FRMD5: variants seen among roughly 807,000 people sequenced by gnomAD.
The protein encoded by FRMD5 is FERM domain-containing protein 5.
A neutral mutation model predicts 69.0 loss-of-function variants in FRMD5; 20 were observed. The observed-to-expected ratio is 0.29, with a 90% CI of 0.20 to 0.42. The LOEUF (loss-of-function observed/expected upper bound fraction) is 0.42, where lower values mean the gene tolerates loss of function less well. FRMD5 is among the 10% of genes least tolerant of loss of function. FRMD5 has a pLI of 1.00. For synonymous variants in FRMD5, 271 were observed against 260.1 expected (o/e 1.04, Z -0.40); for missense variants, 595 against 708.6 (o/e 0.84, Z 1.82).
intron 1 of FRMD5, among the ~76,000 whole-genome samples, chr15:44,003,261 C>G (rs952079470): frequency 1.2e-4 from 19 of 152,226 alleles, no homozygotes; most frequent in Non-Finnish European, 2.8e-4. Flanking sequence ...TGGTCCAAGC[C>G]ACCACCATCG....
intron 1 of FRMD5, among the ~76,000 whole-genome samples, chr15:44,068,207 A>T (rs1893390726): frequency 6.6e-6 from 1 of 152,202 alleles, no homozygotes; most frequent in African/African-American, 2.4e-5. Context: ...TTAAATATAG[A>T]GTTACCATAT....
intron 1 of FRMD5, among the ~76,000 whole-genome samples, chr15:44,190,792 G>A (rs2078180046): frequency 6.6e-6 from 1 of 152,224 alleles, no homozygotes; most frequent in South Asian, 2.1e-4. Flanking sequence ...TAGCAATCAT[G>A]TAGCACAAAC....
intron 1 of FRMD5, among the ~76,000 whole-genome samples, chr15:44,137,449 C>G (rs1344118593): frequency 6.6e-6 from 1 of 152,158 alleles, no homozygotes; most frequent in Non-Finnish European, 1.5e-5. Context: ...GCCCTACCAC[C>G]CTCTCCCCAC....
At chr15:43,903,185 C>T (rs964245469) in intron 6 of FRMD5, among the ~76,000 whole-genome samples, 1 of 152,234 alleles carries the variant, frequency 6.6e-6, no homozygotes, top group Non-Finnish European at 1.5e-5. Flanking sequence ...GGGTCCAGAG[C>T]CCTGCAAAGC....
At chr15:43,901,754 G>A (rs1469916719) in intron 7 of FRMD5, among the ~76,000 whole-genome samples, 2 of 152,134 alleles carry the variant, frequency 1.3e-5, no homozygotes, top group East Asian at 3.9e-4. Flanking sequence ...TGACTCCACT[G>A]CAGTTCCGTG....
intron 1 of FRMD5, among the ~76,000 whole-genome samples, chr15:44,164,802 T>A (rs1432259667): frequency 6.6e-6 from 1 of 152,148 alleles, no homozygotes; most frequent in East Asian, 1.9e-4. Flanking sequence ...GGAGAATACA[T>A]TTTGTTGGTC....
rs142316114 is a variant in FRMD5 at position 43,970,633 on chromosome 15, T to C, written c.103-46324A>G. On this transcript the variant is annotated intron_variant, in intron 1 of 13. Transcript: ENST00000417257. ...CCACACTTGGCTAATTCTTTTGTAC[T>C]TTTAGTAGAGGCAGGGTTTCGCCAT... 7.2e-3 allele frequency among the ~76,000 whole-genome samples: 1,101 copies of C among 152,276 alleles called. 19 individuals carry two copies. The highest frequency in any genetic ancestry group is 0.025 in the African/African-American group (1,046 of 41,552).
At chr15:43,875,366 AT>A (rs61612188) in intron 13 of FRMD5, among the ~76,000 whole-genome samples, 23,734 of 78,258 alleles carry the variant, frequency 0.3, 3,140 homozygotes, top group Non-Finnish European at 0.39. Context: ...AAAAAAAAAT[AT>A]ATATATATAT....
At chr15:44,151,977 C>T (rs890534654) in intron 1 of FRMD5, among the ~76,000 whole-genome samples, 1 of 152,146 alleles carries the variant, frequency 6.6e-6, no homozygotes, top group Non-Finnish European at 1.5e-5. Context: ...TAGGAGGCCG[C>T]GGTGGGCAGG....
At chr15:44,005,242 AG>A (rs2140188093) in intron 1 of FRMD5, among the ~76,000 whole-genome samples, 1 of 152,290 alleles carries the variant, frequency 6.6e-6, no homozygotes, top group African/African-American at 2.4e-5. Context: ...GCACTTTGCG[AG>A]GCCAAGGCAG....
chr15:44,008,741 C>T (rs759405542), intron 1 of FRMD5, among the ~76,000 whole-genome samples: 61 of 152,160 alleles, frequency 4.0e-4, no homozygotes, highest in Non-Finnish European at 6.8e-4. Flanking sequence ...AAATTAGCTT[C>T]CCAGGCCAGG....
intron 1 of FRMD5, chr15:43,989,105 A>T (rs534971847): frequency 1.1e-5 from 11 of 972,174 alleles, no homozygotes; most frequent in Non-Finnish European, 1.7e-5. Context: ...GACTCATCAT[A>T]TTCCTGCTTG....
At chr15:43,882,818 T>G (rs1402072215) in intron 13 of FRMD5, among the ~76,000 whole-genome samples, 1 of 151,688 alleles carries the variant, frequency 6.6e-6, no homozygotes. Context: ...CTCTTTTTTT[T>G]CTTGAGACAG....
intron 12 of FRMD5, among the ~76,000 whole-genome samples, chr15:43,884,210 G>A (rs1382932390): frequency 2.0e-5 from 3 of 152,178 alleles, no homozygotes; most frequent in Non-Finnish European, 2.9e-5. Flanking sequence ...GGGGCAGGCA[G>A]TAATGCTCCC....
At chr15:44,034,668 T>TCTA in intron 1 of FRMD5, among the ~76,000 whole-genome samples, 1 of 152,328 alleles carries the variant, frequency 6.6e-6, no homozygotes, top group Non-Finnish European at 1.5e-5. Context: ...GTAAGGCTTG[T>TCTA]CTAAGTCTGT....
intron 1 of FRMD5, among the ~76,000 whole-genome samples, chr15:44,186,842 C>A (rs2078110448): frequency 6.6e-6 from 1 of 152,242 alleles, no homozygotes; most frequent in East Asian, 1.9e-4. Context: ...AGGTTCCCAT[C>A]CCCAAAGCTC....
chr15:44,090,087 A>C (rs1387288779), intron 1 of FRMD5, among the ~76,000 whole-genome samples: 1 of 152,138 alleles, frequency 6.6e-6, no homozygotes, highest in Non-Finnish European at 1.5e-5. Context: ...GGGAGCTCCT[A>C]CTTGAATTCC....
chr15:44,044,224 C>G (rs1892330633), intron 1 of FRMD5, among the ~76,000 whole-genome samples: 1 of 152,084 alleles, frequency 6.6e-6, no homozygotes, highest in Admixed American at 6.5e-5. Flanking sequence ...CAATGAGATA[C>G]CATCTCATGC....
intron 5 of FRMD5, 46 bp downstream of exon 5, chr15:43,909,836 C>T: frequency 9.0e-7 from 1 of 1,106,720 alleles, no homozygotes; most frequent in Non-Finnish European, 1.4e-6. Flanking sequence ...ATAATGTAAT[C>T]AGTACTTGGC....
Sources: gnomAD v4.1 joint callset for allele counts (sites outside exome capture counted in the v4.1 genomes callset) on GRCh38, gnomAD v4.1.1 for gene constraint, MANE v1.5 for transcripts, NCBI Gene and HGNC (gene_info 2026-07-23, HGNC 2026-07-21) for gene names.